ELMO1: variants seen among roughly 807,000 people sequenced by gnomAD.
ELMO1 encodes engulfment and cell motility protein 1.
Under a neutral mutation model 98.9 loss-of-function variants are expected in ELMO1, and 26 were observed. That is an observed-to-expected ratio of 0.26 (90% CI 0.19 to 0.36). The LOEUF is 0.36. ELMO1 is among the 10% of genes least tolerant of loss of function. The pLI, the probability that ELMO1 is intolerant of heterozygous loss-of-function variation, is 1.00. For missense variants in ELMO1, 627 were observed against 935.2 expected, an observed-to-expected ratio of 0.67 and a Z score of 4.30; for synonymous variants, 346 against 346.0, an observed-to-expected ratio of 1.00 and a Z score of 0.00.
intron 15 of ELMO1, among the ~76,000 whole-genome samples, chr7:37,086,163 C>T (rs1157051294): frequency 3.9e-5 from 6 of 152,230 alleles, no homozygotes; most frequent in East Asian, 1.9e-4. Flanking sequence ...ACAGCCCTCC[C>T]GGGCAAGCCT....
intron 3 of ELMO1, 132 bp from the exon 4 acceptor site, chr7:37,315,054 G>A: frequency 1.4e-6 from 1 of 719,878 alleles, no homozygotes; most frequent in Non-Finnish European, 2.3e-6. Context: ...CCACAATGCA[G>A]TTCCTAAAGC....
At chr7:37,052,881 G>T (rs1308801868) in intron 15 of ELMO1, among the ~76,000 whole-genome samples, 5 of 152,132 alleles carry the variant, frequency 3.3e-5, no homozygotes, top group Non-Finnish European at 7.3e-5. Context: ...AACCCCCCAG[G>T]TCGTGTTTGT....
At chr7:37,429,556 G>A (rs1804846245) in intron 1 of ELMO1, 1 of 152,260 alleles carries the variant, frequency 6.6e-6, no homozygotes, top group Non-Finnish European at 1.5e-5. Flanking sequence ...TATTCTACAT[G>A]CCAGGCAGTG....
intron 16 of ELMO1, among the ~76,000 whole-genome samples, chr7:36,903,945 C>T (rs1342300775): frequency 6.6e-6 from 1 of 152,216 alleles, no homozygotes; most frequent in African/African-American, 2.4e-5. Flanking sequence ...TCTCAGCCTG[C>T]TTGGGCGGGT....
At chr7:36,856,461 A>G (rs1310248354) in intron 21 of ELMO1, among the ~76,000 whole-genome samples, 1 of 152,044 alleles carries the variant, frequency 6.6e-6, no homozygotes, top group African/African-American at 2.4e-5. Context: ...GTTTCTTTTC[A>G]CCAGGTCTCT....
chr7:37,341,950 T>G (rs1194685286), intron 2 of ELMO1, among the ~76,000 whole-genome samples: 1 of 152,220 alleles, frequency 6.6e-6, no homozygotes, highest in Non-Finnish European at 1.5e-5. Context: ...AAATAGTGCA[T>G]GAGAATCACA....
intron 15 of ELMO1, among the ~76,000 whole-genome samples, chr7:37,058,894 C>A (rs962845455): frequency 1.3e-5 from 2 of 152,068 alleles, no homozygotes; most frequent in African/African-American, 2.4e-5. Flanking sequence ...TTTCTGGAAC[C>A]CATTGTGGGT....
chr7:37,021,457 A>C (rs1340353755), intron 15 of ELMO1, among the ~76,000 whole-genome samples: 3 of 152,134 alleles, frequency 2.0e-5, no homozygotes, highest in Non-Finnish European at 4.4e-5. Flanking sequence ...AAAAATACCG[A>C]CTAGTGTTAA....
intron 14 of ELMO1, among the ~76,000 whole-genome samples, chr7:37,098,153 G>A (rs116141408): frequency 8.7e-4 from 133 of 152,300 alleles, no homozygotes; most frequent in African/African-American, 3.1e-3. Flanking sequence ...CATCTACAAT[G>A]ATGCTGTGCA....
At chr7:36,958,930 A>G (rs531230992) in intron 16 of ELMO1, among the ~76,000 whole-genome samples, 8 of 152,002 alleles carry the variant, frequency 5.3e-5, no homozygotes, top group African/African-American at 1.9e-4. Flanking sequence ...ACTCAGATGC[A>G]TCTATTCCAC....
chr7:37,443,880 T>A (rs541608230), intron 1 of ELMO1, among the ~76,000 whole-genome samples: 12 of 152,250 alleles, frequency 7.9e-5, no homozygotes, highest in Non-Finnish European at 1.5e-4. Context: ...TCATGATCCT[T>A]TTATTATGGA....
At chr7:36,979,526 G>A (rs560182163) in intron 16 of ELMO1, among the ~76,000 whole-genome samples, 37 of 152,264 alleles carry the variant, frequency 2.4e-4, no homozygotes, top group African/African-American at 8.9e-4. Context: ...GGGAATCTAG[G>A]ACGCGGCTGT....
At chr7:36,860,746 A>G (rs1481839534) in intron 21 of ELMO1, among the ~76,000 whole-genome samples, 1 of 152,248 alleles carries the variant, frequency 6.6e-6, no homozygotes, top group Non-Finnish European at 1.5e-5. Context: ...CTTACCCTTC[A>G]GCAAACTAAA....
chr7:37,399,273 C>G (rs1399395012), intron 1 of ELMO1, among the ~76,000 whole-genome samples: 1 of 152,200 alleles, frequency 6.6e-6, no homozygotes, highest in Non-Finnish European at 1.5e-5. Flanking sequence ...CAAATCTCTC[C>G]CGGGACTGGA....
chr7:37,228,467 G>A (rs989964425), intron 8 of ELMO1, among the ~76,000 whole-genome samples: 14 of 152,312 alleles, frequency 9.2e-5, no homozygotes, highest in Admixed American at 2.6e-4. Context: ...CCACAGTACA[G>A]CTTCTCGAAA....
intron 7 of ELMO1, among the ~76,000 whole-genome samples, chr7:37,233,407 C>T (rs539299652): frequency 6.6e-6 from 1 of 152,230 alleles, no homozygotes; most frequent in South Asian, 2.1e-4. Context: ...ATGAGGTCAA[C>T]CAGGGCTTCA....
At chr7:37,252,064 G>C (rs963624035) in intron 6 of ELMO1, among the ~76,000 whole-genome samples, 3 of 152,150 alleles carry the variant, frequency 2.0e-5, no homozygotes, top group Non-Finnish European at 2.9e-5. Context: ...ACAAACTACT[G>C]CTCAAGGAAA....
chr7:37,125,925 A>C (rs1786477368), intron 14 of ELMO1, among the ~76,000 whole-genome samples: 2 of 152,236 alleles, frequency 1.3e-5, no homozygotes, highest in Non-Finnish European at 2.9e-5. Context: ...AGATTGGATT[A>C]AGAAAATGTG....
intron 16 of ELMO1, among the ~76,000 whole-genome samples, chr7:36,973,266 G>A (rs1049624399): frequency 1.2e-4 from 19 of 152,302 alleles, no homozygotes; most frequent in Middle Eastern, 3.4e-3. Flanking sequence ...CTCCTGGAGC[G>A]AGACTGCTGT....
Sources: allele counts gnomAD v4.1 joint callset (sites outside exome capture counted in the v4.1 genomes callset), GRCh38; gene constraint gnomAD v4.1.1; transcripts MANE v1.5; gene names NCBI Gene and HGNC (gene_info 2026-07-23, HGNC 2026-07-21).